COX18: variants seen among roughly 807,000 people sequenced by gnomAD.
The protein encoded by COX18 is cytochrome c oxidase assembly protein COX18, mitochondrial.
Under a neutral mutation model 38.0 loss-of-function variants are expected in COX18, and 45 were observed. The observed-to-expected ratio is 1.18, with a 90% confidence interval of 0.93 to 1.52. The LOEUF (loss-of-function observed/expected upper bound fraction) is 1.52. COX18 is among the 40% of genes most tolerant of loss of function. The probability of loss-of-function intolerance (pLI) is 0.00; values close to 1 mark genes in which losing one functional copy is unlikely to be tolerated. For synonymous variants in COX18, 177 were observed against 169.8 expected (o/e 1.04, Z -0.33); for missense variants, 462 against 423.8 (o/e 1.09, Z -0.79).
At position 73,065,284 on chromosome 4, in the gene COX18, G is replaced by A. The variant is rs1271013889; in HGVS notation, c.564C>T (p.Leu188=). The A allele has an allele frequency of 6.2e-7, 1 of 1,613,244 alleles. No individual in the cohort carries two copies. The highest frequency in any genetic ancestry group is 2.2e-5 in the East Asian group (1 of 44,850). Residue 188 remains leucine (L), a synonymous_variant, in exon 3 of 6, where the codon CTC becomes CTT. Coordinates refer to ENST00000507544, the MANE Select transcript of COX18 (RefSeq NM_001297732.2). ...LPMWIFMSFA[L]RNLSTGAAHS... ...GTGCTGCCCCCGTGCTTAAATTCCG[G>A]AGAGCAAAAGACATGAAGATCCACA...
Position 73,053,044 on chromosome 4 carries a change from A to G in COX18, c.*5070T>C, listed in dbSNP as rs1167223349. ...AATATAAGCAGATTATGCGTCCAAT[A>G]AAAAAAAAATAGGAACAAAACACAG... is the stretch of plus-strand genomic sequence containing the variant. On this transcript the variant is annotated 3_prime_UTR_variant, in exon 6 of 6. Coordinates refer to ENST00000507544, the MANE Select transcript of COX18 (RefSeq NM_001297732.2). The G allele has an allele frequency of 4.4e-5, 2 of 45,258 alleles. No homozygotes were observed. The highest frequency in any genetic ancestry group is 9.1e-5 in the Non-Finnish European group (2 of 21,910). 2.8% of individuals were successfully genotyped at this position (45,258 alleles called of 1,614,324 possible).
At chr4:73,069,244 CT>C in intron 1 of COX18, 72 bp downstream of exon 1, 1 of 1,147,376 alleles carries the variant, frequency 8.7e-7, no homozygotes, top group South Asian at 1.6e-5. Flanking sequence ...ATCGAAAACC[CT>C]GAGTGAATGT....
At chr4:73,065,435 A>T (rs1479710006) in intron 2 of COX18, 22 bp from the exon 3 acceptor site, 1 of 1,588,446 alleles carries the variant, frequency 6.3e-7, no homozygotes, top group Non-Finnish European at 8.6e-7. Flanking sequence ...TTAGGGGGAA[A>T]AAAGGGGAAA....
chr4:73,067,554 A>T (rs1013054558), intron 2 of COX18, among the ~76,000 whole-genome samples: 1 of 152,038 alleles, frequency 6.6e-6, no homozygotes, highest in African/African-American at 2.4e-5. Context: ...AAAATATAAA[A>T]GAGTAGGCTG....
At chr4:73,067,864 A>AAAAATATATAT in intron 2 of COX18, among the ~76,000 whole-genome samples, 165 bp downstream of exon 2, 13 of 20,014 alleles carry the variant, frequency 6.5e-4, no homozygotes, top group Admixed American at 1.2e-3. Context: ...AAAAAAAAAA[A>AAAAATATATAT]ATATATATAT....
chr4:73,062,155 C>G (rs1720203656), intron 4 of COX18, among the ~76,000 whole-genome samples: 1 of 152,044 alleles, frequency 6.6e-6, no homozygotes, highest in African/African-American at 2.4e-5. Context: ...CTCCTGGGCT[C>G]AAGTGATCCT....
rs747076832 is a variant in COX18 at position 73,069,618 on chromosome 4, C to T, written c.32G>A (p.Arg11Gln). 25 of 1,551,082 alleles carry T rather than the reference C, an allele frequency of 1.6e-5. No individual in the cohort carries two copies. Among genetic ancestry groups the T allele is most frequent in the Non-Finnish European group, 1.9e-5 (22 of 1,152,474 alleles). ...CCAAAGCTGCAGGGCAGGGAGCGGC[C>T]GCAGCCACCGACCGCCGAGCCGGCA... Reference protein sequence around the residue: MLCRLGGRWLRPLPALQLWAR... With the variant: MLCRLGGRWLQPLPALQLWAR... The change falls in exon 1 of 6, where the codon CGG becomes CAG. Residue 11 changes from arginine (R) to glutamine (Q), a missense_variant. Arg to Gln is a conservative substitution (Grantham distance 43, BLOSUM62 1). Coordinates refer to ENST00000507544, the MANE Select transcript of COX18 (RefSeq NM_001297732.2).
chr4:73,068,236 GATCAT>G (rs1720570583), intron 1 of COX18, 107 bp from the exon 2 acceptor site: 1 of 675,750 alleles, frequency 1.5e-6, no homozygotes, highest in South Asian at 1.9e-5. Context: ...GTAGTTTACT[GATCAT>G]ATCAAGAAAT....
At position 73,064,871 on chromosome 4, in the gene COX18, A is replaced by T. The variant is rs1235913506; in HGVS notation, c.630T>A (p.Thr210=). Residue 210 remains threonine, a synonymous_variant, in exon 4 of 6, where the codon ACT becomes ACA. Coordinates refer to ENST00000507544, the MANE Select transcript of COX18 (RefSeq NM_001297732.2). ...AGFSVQEQLA[T]GGILWFPDLT... ...GGTCAGGAAACCACAGAATTCCACCAGTAGCTAACTGTTCCTGAACAGAAA... is the reference window on the plus strand; with the variant it reads ...GGTCAGGAAACCACAGAATTCCACCTGTAGCTAACTGTTCCTGAACAGAAA... 6.2e-6 allele frequency: 10 copies of T among 1,613,986 alleles called. No individual in the cohort carries two copies. Among genetic ancestry groups the T allele is most frequent in the Non-Finnish European group, 8.5e-6 (10 of 1,179,866 alleles).
chr4:73,068,807 T>C (rs1028656315), intron 1 of COX18: 1 of 153,704 alleles, frequency 6.5e-6, no homozygotes, highest in Non-Finnish European at 1.4e-5. Context: ...GGATTCAGCA[T>C]TAAAAGGTCA....
rs562037026 is a variant in COX18 at position 73,059,149 on chromosome 4, C to T, written c.832-862G>A. ...GGGTGACCATTTATTTAGGTCAATA[C>T]GAAGTTCTACAACCTCCTGAAATAC... On this transcript the variant is annotated intron_variant, in intron 5 of 5. Coordinates refer to ENST00000507544, the MANE Select transcript of COX18 (RefSeq NM_001297732.2). 5.5e-4 allele frequency among the ~76,000 whole-genome samples: 84 copies of T among 152,238 alleles called. 1 individual carries two copies. In the South Asian group the frequency reaches 0.016, roughly 29 times the overall value.
chr4:73,062,568 G>C (rs1342094585), intron 4 of COX18, among the ~76,000 whole-genome samples: 1 of 152,100 alleles, frequency 6.6e-6, no homozygotes, highest in Non-Finnish European at 1.5e-5. Context: ...TAAGGCTGGG[G>C]GCCTGTAATC....
Position 73,058,283 on chromosome 4 carries a change from A to G in COX18, c.836T>C (p.Ile279Thr), listed in dbSNP as rs767020512. Residue 279 changes from isoleucine (I) to threonine (T), a missense_variant, in exon 6 of 6, where the codon ATT (isoleucine) becomes ACT (threonine). Transcript: ENST00000507544. ...GCTGGAGCATAACCAGTAGAGAACA[A>G]TTGACTATAAAGAGAAGACATAAAT... ...IPIAATVPSS[I>T]VLYWLCSSFV... The G allele has an allele frequency of 6.2e-7, 1 of 1,604,204 alleles. No homozygotes were observed. The highest frequency in any genetic ancestry group is 1.1e-5 in the South Asian group (1 of 89,454).
At chr4:73,058,833 G>C (rs1400823899) in intron 5 of COX18, among the ~76,000 whole-genome samples, 1 of 152,154 alleles carries the variant, frequency 6.6e-6, no homozygotes, top group Non-Finnish European at 1.5e-5. Flanking sequence ...ATCTTGAGCA[G>C]TGGTCCCCAA....
chr4:73,063,058 A>C (rs1317118204), intron 4 of COX18, among the ~76,000 whole-genome samples: 1 of 152,050 alleles, frequency 6.6e-6, no homozygotes. Context: ...TAATTCCAGC[A>C]CTTTGGGAGG....
rs772329011 is a variant in COX18 at position 73,055,100 on chromosome 4, C to T, written c.*3014G>A. The T allele has an allele frequency of 2.6e-5, 4 of 152,204 alleles. No homozygotes were observed. Among genetic ancestry groups the T allele is most frequent in the Non-Finnish European group, 4.4e-5 (3 of 68,038 alleles). 9.4% of individuals were successfully genotyped at this position (152,204 alleles called of 1,614,324 possible). On this transcript the variant is annotated 3_prime_UTR_variant, in exon 6 of 6. Coordinates refer to ENST00000507544, the MANE Select transcript of COX18 (RefSeq NM_001297732.2). Reference sequence around the variant, plus strand: ...GAGTGTACTCACTCAGTAACACACACGGCAAAGGCCATTATGAGAAAAATA... The same window carrying T: ...GAGTGTACTCACTCAGTAACACACATGGCAAAGGCCATTATGAGAAAAATA...
chr4:73,059,124 G>A (rs150680147), intron 5 of COX18, among the ~76,000 whole-genome samples: 43 of 152,210 alleles, frequency 2.8e-4, no homozygotes, highest in Middle Eastern at 3.4e-3. Context: ...CTGTGGCCCC[G>A]GGTGACCATT....
At position 73,056,512 on chromosome 4, in the gene COX18, A is replaced by G. The variant is rs1402745246; in HGVS notation, c.*1602T>C. ...TTAAATTATAGAAAAAGGAATGTAC[A>G]CTTTTTGTATTCTTTCTGAGCAGGG... On this transcript the variant is annotated 3_prime_UTR_variant, in exon 6 of 6. Transcript: ENST00000507544. 6.6e-6 allele frequency: 1 copy of G among 152,218 alleles called. No homozygotes were observed. Among genetic ancestry groups the G allele is most frequent in the Admixed American group, 6.5e-5 (1 of 15,280 alleles). 9.4% of individuals were successfully genotyped at this position (152,218 alleles called of 1,614,324 possible).
At chr4:73,060,652 G>A (rs1262726921) in intron 5 of COX18, among the ~76,000 whole-genome samples, 2 of 151,986 alleles carry the variant, frequency 1.3e-5, no homozygotes, top group Admixed American at 6.6e-5. Flanking sequence ...AGGCCGAGGC[G>A]GGTGGATCAC....
Sources: allele counts gnomAD v4.1 joint callset (sites outside exome capture counted in the v4.1 genomes callset), GRCh38; gene constraint gnomAD v4.1.1; transcripts MANE v1.5; gene names NCBI Gene and HGNC (gene_info 2026-07-23, HGNC 2026-07-21).